The following LDLRAD2 variants were observed in gnomAD, a reference collection of about 807,000 sequenced individuals.
LDLRAD2 encodes low-density lipoprotein receptor class A domain-containing protein 2.
In LDLRAD2, 25 loss-of-function variants were observed where a neutral mutation model predicts 24.9. The ratio of observed to expected loss-of-function variants is 1.00; its 90% CI spans 0.73 to 1.40. The LOEUF is 1.40. Among genes scored for constraint, LDLRAD2 ranks in the 40% most tolerant of loss-of-function variants. LDLRAD2 has a pLI of 0.00. For missense variants in LDLRAD2, 391 were observed against 366.2 expected (o/e 1.07, Z -0.55); for synonymous variants, 182 against 166.7 (o/e 1.09, Z -0.71).
At position 21,822,822 on chromosome 1, in the gene LDLRAD2, G is replaced by A. The variant is rs571731203; in HGVS notation, c.*607G>A. On this transcript the variant is annotated 3_prime_UTR_variant, in exon 5 of 5. Coordinates refer to ENST00000344642, the MANE Select transcript of LDLRAD2 (RefSeq NM_001013693.3). Reference sequence around the variant, plus strand: ...GGATGGGGACCGCCTGCCCAGGGGTGAGCTGCCTTTTGCTCCACAGCCGGC... The same window carrying A: ...GGATGGGGACCGCCTGCCCAGGGGTAAGCTGCCTTTTGCTCCACAGCCGGC... 1 of 162,010 alleles carries A rather than the reference G, an allele frequency of 6.2e-6. No homozygotes were observed. Among genetic ancestry groups the A allele is most frequent in the Non-Finnish European group, 1.4e-5 (1 of 73,736 alleles). The allele number at this position is 162,010 out of a possible 1,614,324, so 10.0% of individuals were successfully genotyped here.
Position 21,824,319 on chromosome 1 carries a change from G to A in LDLRAD2, c.*2104G>A. 1.2e-6 allele frequency: 2 copies of A among 1,613,886 alleles called. No individual in the cohort carries two copies. Among genetic ancestry groups the A allele is most frequent in the Non-Finnish European group, 1.7e-6 (2 of 1,180,008 alleles). ...GCCAGGACCTACCTGAAGACAAGGTGCCCGTCTTGAAGCCCGAGGCTGATG... is the reference window on the plus strand; with the variant it reads ...GCCAGGACCTACCTGAAGACAAGGTACCCGTCTTGAAGCCCGAGGCTGATG... On this transcript the variant is annotated 3_prime_UTR_variant, in exon 5 of 5. Transcript: ENST00000344642. This position sits in a 1 kb window ranked among gnomAD's most constrained non-coding sequence, Gnocchi z 5.9.
intron 4 of LDLRAD2, 84 bp downstream of exon 4, chr1:21,821,695 A>AGG: frequency 6.4e-7 from 1 of 1,563,866 alleles, no homozygotes; most frequent in Non-Finnish European, 8.7e-7. Context: ...ACCCAGGCCG[A>AGG]GGCCTGAGTG....
rs1476538646 is a variant in LDLRAD2, at chr1:21,823,433, T to C, written c.*1218T>C. On this transcript the variant is annotated 3_prime_UTR_variant, in exon 5 of 5. Coordinates refer to ENST00000344642, the MANE Select transcript of LDLRAD2 (RefSeq NM_001013693.3). ...GCAGCACCAGGTTCTTGACACAGCC[T>C]GTGATGCCTGAGGAGAATCTGCCCC... 1.3e-6 allele frequency: 2 copies of C among 1,590,174 alleles called. No homozygotes were observed. The highest frequency in any genetic ancestry group is 1.7e-6 in the Non-Finnish European group (2 of 1,172,882).
intron 3 of LDLRAD2, among the ~76,000 whole-genome samples, chr1:21,820,039 G>A (rs1286427884): frequency 6.6e-6 from 1 of 152,140 alleles, no homozygotes; most frequent in Non-Finnish European, 1.5e-5. Flanking sequence ...CAAACGGATG[G>A]TGCTAAACTA....
In LDLRAD2 at chr1:21,822,605, C is replaced by T; in HGVS notation, c.*390C>T. The T allele has an allele frequency of 4.3e-6, 1 of 231,104 alleles. No homozygotes were observed. The highest frequency in any genetic ancestry group is 7.0e-5 in the South Asian group (1 of 14,272). 14.3% of individuals were successfully genotyped at this position (231,104 alleles called of 1,614,324 possible). A position where few individuals can be genotyped will look rare whatever the true frequency, so the allele number is the denominator to read the frequency against. ...GGGGCCCTATCAGTGCTGGGCTCTGCCTGTAGCAGCTCCTGGTAAGAGTTG... is the reference window on the plus strand; with the variant it reads ...GGGGCCCTATCAGTGCTGGGCTCTGTCTGTAGCAGCTCCTGGTAAGAGTTG... On this transcript the variant is annotated 3_prime_UTR_variant, in exon 5 of 5. Coordinates refer to ENST00000344642, the MANE Select transcript of LDLRAD2 (RefSeq NM_001013693.3).
chr1:21,824,099 A>C lies in LDLRAD2; in HGVS notation c.*1884A>C, dbSNP rs2097960972. 1.2e-6 allele frequency: 2 copies of C among 1,606,122 alleles called. No homozygotes were observed. The highest frequency in any genetic ancestry group is 2.2e-5 in the South Asian group (2 of 90,552). ...CTCCAGAACGCTGGGCCCCATCCCG[A>C]GTGCCCGGCAGGGTCCCTTACCGCA... On this transcript the variant is annotated 3_prime_UTR_variant, in exon 5 of 5. Transcript: ENST00000344642. This position sits in a 1 kb window ranked among gnomAD's most constrained non-coding sequence, Gnocchi z 5.9.
rs1049675 is a variant in LDLRAD2, at chr1:21,822,324, G to A, written c.*109G>A. 0.047 allele frequency: 52,507 copies of A among 1,128,680 alleles called. 1,526 individuals are homozygous for A. Among genetic ancestry groups the A allele is most frequent in the South Asian group, 0.085 (6,661 of 78,434 alleles). 69.9% of individuals were successfully genotyped at this position (1,128,680 alleles called of 1,614,324 possible). On this transcript the variant is annotated 3_prime_UTR_variant, in exon 5 of 5. Coordinates refer to ENST00000344642, the MANE Select transcript of LDLRAD2 (RefSeq NM_001013693.3). Reference sequence around the variant, plus strand: ...CCCTTCTAGGACACAGAGGCCAGGCGTCCCAACCCCACAGTCTGGGGGCCA... The same window carrying A: ...CCCTTCTAGGACACAGAGGCCAGGCATCCCAACCCCACAGTCTGGGGGCCA...
intron 3 of LDLRAD2, among the ~76,000 whole-genome samples, chr1:21,817,264 C>T (rs1192011072): frequency 6.6e-6 from 1 of 152,220 alleles, no homozygotes; most frequent in African/African-American, 2.4e-5. Flanking sequence ...CTCCCTCCTT[C>T]TGTCCTTTGC....
chr1:21,823,401 G>A lies in LDLRAD2; in HGVS notation c.*1186G>A. 1 of 1,569,776 alleles carries A rather than the reference G, an allele frequency of 6.4e-7. No homozygotes were observed. Among genetic ancestry groups the A allele is most frequent in the Non-Finnish European group, 8.6e-7 (1 of 1,162,598 alleles). On this transcript the variant is annotated 3_prime_UTR_variant, in exon 5 of 5. Coordinates refer to ENST00000344642, the MANE Select transcript of LDLRAD2 (RefSeq NM_001013693.3). ...CTGTGGGGGCGGGGCGCCGGGTCGG[G>A]CCGAGTGCAGCACCAGGTTCTTGAC...
chr1:21,821,563 A>G lies in LDLRAD2; in HGVS notation c.757A>G (p.Ser253Gly), dbSNP rs1435722886. ...AGSLWIAAERSSPAGRDPTRQ... is the reference protein window; with the variant it reads ...AGSLWIAAERGSPAGRDPTRQ... ...ATCCCTCTGGATTGCAGCTGAGAGG[A>G]GTTCCCCAGCAGGCAGGGACCCCAC... Residue 253 changes from serine to glycine, a missense_variant, in exon 4 of 5, where the codon AGT (serine) becomes GGT (glycine). Ser to Gly is a moderately conservative substitution (Grantham distance 56). Coordinates refer to ENST00000344642, the MANE Select transcript of LDLRAD2 (RefSeq NM_001013693.3). 1.9e-6 allele frequency: 3 copies of G among 1,613,860 alleles called. No homozygotes were observed. The highest frequency in any genetic ancestry group is 1.3e-5 in the African/African-American group (1 of 74,856).
chr1:21,814,619 C>G lies in LDLRAD2; in HGVS notation c.307C>G (p.Pro103Ala), dbSNP rs780350390. 6.2e-7 allele frequency: 1 copy of G among 1,609,844 alleles called. No individual in the cohort carries two copies. Among genetic ancestry groups the G allele is most frequent in the South Asian group, 1.1e-5 (1 of 90,918 alleles). ...PPALNTSSPAPADPCAPGSYL... is the reference protein window; with the variant it reads ...PPALNTSSPAAADPCAPGSYL... ...GGCGCTCAACACCTCCTCCCCGGCC[C>G]CGGCCGACCCGTGCGCCCCCGGCTC... Residue 103 changes from proline to alanine, a missense_variant, in exon 2 of 5, where the codon CCG becomes GCG. Coordinates refer to ENST00000344642, the MANE Select transcript of LDLRAD2 (RefSeq NM_001013693.3).
Position 21,824,782 on chromosome 1 carries a change from G to C in LDLRAD2, c.*2567G>C. ...GGCTCCGTACTGCCCAGGGGCATCT[G>C]TGGGAGAGAGGAGGGTGGTGCCATA... On this transcript the variant is annotated 3_prime_UTR_variant, in exon 5 of 5. Transcript: ENST00000344642. The surrounding 1 kb of genome is among the most constrained non-coding windows in gnomAD (Gnocchi z 5.9). 1 of 1,611,018 alleles carries C rather than the reference G, an allele frequency of 6.2e-7. No individual in the cohort carries two copies. Among genetic ancestry groups the C allele is most frequent in the South Asian group, 1.1e-5 (1 of 90,496 alleles).
chr1:21,819,744 T>G (rs1557656603), intron 3 of LDLRAD2, among the ~76,000 whole-genome samples: 1 of 152,028 alleles, frequency 6.6e-6, no homozygotes, highest in Non-Finnish European at 1.5e-5. Flanking sequence ...CTGCACAATG[T>G]GAGTGCGTAT....
chr1:21,816,513 AG>A (rs2097944169), intron 3 of LDLRAD2, among the ~76,000 whole-genome samples: 1 of 152,184 alleles, frequency 6.6e-6, no homozygotes, highest in Non-Finnish European at 1.5e-5. Context: ...GACTTGCCCA[AG>A]GTCATAAAGC....
intron 3 of LDLRAD2, among the ~76,000 whole-genome samples, chr1:21,821,205 G>A (rs1483476520): frequency 6.6e-6 from 1 of 152,168 alleles, no homozygotes; most frequent in African/African-American, 2.4e-5. Flanking sequence ...TCAATGCTCA[G>A]TACATGTACA....
At chr1:21,818,833 C>A (rs903146865) in intron 3 of LDLRAD2, among the ~76,000 whole-genome samples, 1 of 151,908 alleles carries the variant, frequency 6.6e-6, no homozygotes, top group African/African-American at 2.4e-5. Flanking sequence ...TGGCCCTGCC[C>A]CTTCTTTCCT....
intron 1 of LDLRAD2, among the ~76,000 whole-genome samples, 158 bp from the exon 2 acceptor site, chr1:21,814,240 A>T (rs2097941391): frequency 6.6e-6 from 1 of 152,200 alleles, no homozygotes; most frequent in African/African-American, 2.4e-5. Context: ...TAATCCTTAC[A>T]ATCATTCTGA....
In LDLRAD2 at chr1:21,812,556, G is replaced by T. The variant is rs374372684; in HGVS notation, c.85+20G>T. On this transcript the variant is annotated intron_variant, in intron 1 of 4. Coordinates refer to ENST00000344642, the MANE Select transcript of LDLRAD2 (RefSeq NM_001013693.3). ...AGACAGGTAAGTATCAGGGGGCTTG[G>T]TTGGGGCACCCAGAAGACTTGGGCC... is the stretch of plus-strand genomic sequence containing the variant. 2.5e-6 allele frequency: 4 copies of T among 1,608,860 alleles called. No homozygotes were observed. In the African/African-American group the frequency reaches 5.3e-5, roughly 22 times the overall value.
At chr1:21,818,190 T>C (rs896197650) in intron 3 of LDLRAD2, among the ~76,000 whole-genome samples, 1 of 124,950 alleles carries the variant, frequency 8.0e-6, no homozygotes, top group Non-Finnish European at 1.7e-5. Flanking sequence ...TTTTGTATTT[T>C]TAGTAGAGAC....
Sources: allele counts gnomAD v4.1 joint callset (sites outside exome capture counted in the v4.1 genomes callset), GRCh38; gene constraint gnomAD v4.1.1; non-coding constraint Gnocchi (gnomAD v3.1); transcripts MANE v1.5; gene names NCBI Gene and HGNC (gene_info 2026-07-23, HGNC 2026-07-21).